NFILZ: variants seen among roughly 807,000 people sequenced by gnomAD.
NFILZ encodes the protein NFIL3 like protein.
At chr19:8,634,255 C>T (rs1034856071) in intron 2 of NFILZ, among the ~76,000 whole-genome samples, 109 of 151,984 alleles carry the variant, frequency 7.2e-4, no homozygotes, top group African/African-American at 2.5e-3. Context: ...CCTTGGTCTC[C>T]CAAAGTGTTG....
At chr19:8,645,172 C>T (rs1555746973) in intron 3 of NFILZ, among the ~76,000 whole-genome samples, 1 of 150,076 alleles carries the variant, frequency 6.7e-6, no homozygotes, top group African/African-American at 2.5e-5. Context: ...TCTTGTCTGT[C>T]GCCCAGGCTG....
Position 8,678,055 on chromosome 19 carries a change from CCCAT to C in NFILZ, c.*422_*425del, listed in dbSNP as rs2043121268. ...ATCCATCCATCCATCCATCCATCCACCCATCTATTCATCCATCCATCAATCCATC... is the reference window on the plus strand; with the variant it reads ...ATCCATCCATCCATCCATCCATCCACCTATTCATCCATCCATCAATCCATC... On this transcript the variant is annotated 3_prime_UTR_variant, in exon 6 of 6. Transcript: ENST00000691075. 2.4e-5 allele frequency among the ~76,000 whole-genome samples: 1 copy of C among 41,984 alleles called. No individual in the cohort carries two copies. Among genetic ancestry groups the C allele is most frequent in the Admixed American group, 2.5e-4 (1 of 3,944 alleles). The allele number at this position is 41,984 out of a possible 152,430, so 27.5% of individuals were successfully genotyped here.
At chr19:8,663,774 G>T (rs2043048700) in intron 3 of NFILZ, among the ~76,000 whole-genome samples, 1 of 151,298 alleles carries the variant, frequency 6.6e-6, no homozygotes, top group Admixed American at 6.6e-5. Flanking sequence ...GTGTGTGTAT[G>T]TATGTGTGTT....
chr19:8,673,030 T>G lies in NFILZ; in HGVS notation c.-163-1521T>G, dbSNP rs370183236. On this transcript the variant is annotated intron_variant, in intron 3 of 5. Coordinates refer to ENST00000691075, the MANE Select transcript of NFILZ (RefSeq NM_001378600.1). The stretch of plus-strand genomic sequence containing the variant: ...AATGCTTGGGCGGGGACCAGGGCTG[T>G]GGGGACTGGAGAGAGGGGTGGATGC... Among the ~76,000 whole-genome samples the G allele has an allele frequency of 1.2e-3, 178 of 151,826 alleles. 1 individual carries two copies. Among genetic ancestry groups the G allele is most frequent in the African/African-American group, 3.9e-3 (162 of 41,414 alleles).
At chr19:8,671,607 G>C (rs546705788) in intron 3 of NFILZ, among the ~76,000 whole-genome samples, 33 of 152,146 alleles carry the variant, frequency 2.2e-4, no homozygotes, top group African/African-American at 7.7e-4. Flanking sequence ...GGCTCTTGGG[G>C]ACCCCTGGGC....
At chr19:8,654,571 C>T (rs1185765241) in intron 3 of NFILZ, among the ~76,000 whole-genome samples, 1 of 151,386 alleles carries the variant, frequency 6.6e-6, no homozygotes, top group African/African-American at 2.4e-5. Context: ...GCTGTGTTGG[C>T]GCCACTGAAC....
intron 3 of NFILZ, among the ~76,000 whole-genome samples, chr19:8,657,946 C>T (rs11668127): frequency 0.55 from 84,148 of 151,854 alleles, 23,829 homozygotes; most frequent in Non-Finnish European, 0.61. Flanking sequence ...GGCTGAGGGG[C>T]TTGGTGGGTT....
At chr19:8,663,736 G>T (rs991383598) in intron 3 of NFILZ, among the ~76,000 whole-genome samples, 2 of 136,036 alleles carry the variant, frequency 1.5e-5, no homozygotes, top group African/African-American at 5.4e-5. Flanking sequence ...GTGTGTGTGT[G>T]TGTGTGTGTG....
At chr19:8,664,495 C>T (rs1000528316) in intron 3 of NFILZ, among the ~76,000 whole-genome samples, 5 of 146,538 alleles carry the variant, frequency 3.4e-5, no homozygotes, top group East Asian at 2.3e-4. Context: ...AGGGGGAGGG[C>T]GGGCCACGGC....
At chr19:8,675,330 C>T (rs1555750613) in intron 4 of NFILZ, among the ~76,000 whole-genome samples, 1 of 152,144 alleles carries the variant, frequency 6.6e-6, no homozygotes, top group East Asian at 1.9e-4. Context: ...AGACATCCCC[C>T]AGGTGGTTAG....
chr19:8,655,816 T>C (rs1427058324), intron 3 of NFILZ, among the ~76,000 whole-genome samples: 1 of 152,058 alleles, frequency 6.6e-6, no homozygotes, highest in Non-Finnish European at 1.5e-5. Context: ...TTGTTCACTG[T>C]CTTGGAGCTC....
chr19:8,633,874 TCTCCCTTCCTTCCTTC>T (rs1420411612), intron 2 of NFILZ, among the ~76,000 whole-genome samples: 1 of 134,970 alleles, frequency 7.4e-6, no homozygotes, highest in African/African-American at 2.8e-5. Context: ...GTATAACTTT[TCTCCCTTCCTTCCTTC>T]CTTCCTTCCT....
chr19:8,649,334 T>C (rs782788994), intron 3 of NFILZ, among the ~76,000 whole-genome samples: 18 of 152,138 alleles, frequency 1.2e-4, no homozygotes, highest in Non-Finnish European at 2.1e-4. Context: ...GGTGTTATCT[T>C]GGCTCACTGA....
intron 3 of NFILZ, among the ~76,000 whole-genome samples, chr19:8,662,137 T>G (rs1600150831): frequency 6.9e-6 from 1 of 144,172 alleles, no homozygotes. Flanking sequence ...CACAGGAGGG[T>G]GAGGCTGCAG....
intron 3 of NFILZ, among the ~76,000 whole-genome samples, chr19:8,656,820 C>T (rs1555748571): frequency 1.3e-5 from 2 of 152,156 alleles, no homozygotes; most frequent in Non-Finnish European, 1.5e-5. Context: ...GATGATGCCT[C>T]ATGCACCAGG....
intron 3 of NFILZ, among the ~76,000 whole-genome samples, chr19:8,640,409 C>T (rs2042914381): frequency 6.9e-6 from 1 of 145,176 alleles, no homozygotes; most frequent in South Asian, 2.3e-4. Context: ...AGTTTACACA[C>T]TTGTTGCATA....
At chr19:8,653,235 C>A (rs2042977664) in intron 3 of NFILZ, among the ~76,000 whole-genome samples, 1 of 151,854 alleles carries the variant, frequency 6.6e-6, no homozygotes, top group Non-Finnish European at 1.5e-5. Context: ...CACGCACCAC[C>A]ACACCCAGCT....
At position 8,648,320 on chromosome 19, in the gene NFILZ, AAAAT is replaced by A. The variant is rs2042951360; in HGVS notation, c.-164+12586_-164+12589del. Among the ~76,000 whole-genome samples, 4 of 152,202 alleles carry A rather than the reference AAAAT, an allele frequency of 2.6e-5. 1 individual carries two copies. Among genetic ancestry groups the A allele is most frequent in the Admixed American group, 2.6e-4 (4 of 15,268 alleles). On this transcript the variant is annotated intron_variant, in intron 3 of 5. Transcript: ENST00000691075. ...TCGCACATGTACCCTGGAACTTAAA[AAAAT>A]AAATAAATAAAGGGAAGGGAAGAAT...
intron 3 of NFILZ, among the ~76,000 whole-genome samples, chr19:8,640,316 G>GT (rs71179871): frequency 0.017 from 2,143 of 124,164 alleles, 69 homozygotes; most frequent in African/African-American, 0.06. Context: ...TCCTGCTGTA[G>GT]TTTTTTTTTT....
Sources: allele counts gnomAD v4.1 joint callset (sites outside exome capture counted in the v4.1 genomes callset), GRCh38; gene constraint gnomAD v4.1.1; transcripts MANE v1.5; gene names NCBI Gene and HGNC (gene_info 2026-07-23, HGNC 2026-07-21).